The following RBFOX1 variants were observed in gnomAD, a reference collection of about 807,000 sequenced individuals.
The protein encoded by RBFOX1 is RNA binding fox-1 homolog 1.
In RBFOX1, 8 loss-of-function variants were observed where a neutral mutation model predicts 57.7. The ratio of observed to expected loss-of-function variants is 0.14; its 90% CI spans 0.08 to 0.25. The LOEUF is 0.25. RBFOX1 is among the 10% of genes least tolerant of loss of function. RBFOX1 has a pLI of 1.00. For missense variants in RBFOX1, 611 were observed against 548.5 expected (o/e 1.11, Z -1.14); for synonymous variants, 326 against 222.4 (o/e 1.47, Z -4.15).
At chr16:6,558,168 G>A (rs1336959630) in intron 2 of RBFOX1, among the ~76,000 whole-genome samples, 1 of 152,172 alleles carries the variant, frequency 6.6e-6, no homozygotes, top group African/African-American at 2.4e-5. Context: ...CCTGGGAGGA[G>A]TGCGATAGAG....
intron 4 of RBFOX1, among the ~76,000 whole-genome samples, chr16:7,125,831 C>A (rs542912315): frequency 6.6e-6 from 1 of 152,074 alleles, no homozygotes; most frequent in African/African-American, 2.4e-5. Context: ...ACCTGTAATC[C>A]CAGCACTTTG....
At chr16:5,692,088 G>A (rs1053687540) in intron 3 of RBFOX1, among the ~76,000 whole-genome samples, 3 of 151,818 alleles carry the variant, frequency 2.0e-5, no homozygotes, top group Admixed American at 6.6e-5. Flanking sequence ...TTGATTTGAA[G>A]GTTATGGATA....
intron 4 of RBFOX1, among the ~76,000 whole-genome samples, chr16:7,468,630 A>T (rs1188844748): frequency 6.6e-6 from 1 of 152,126 alleles, no homozygotes; most frequent in African/African-American, 2.4e-5. Flanking sequence ...AATCTGGGGA[A>T]CTTATGTGTT....
chr16:7,076,846 C>T (rs950917185), intron 4 of RBFOX1, among the ~76,000 whole-genome samples: 1 of 152,202 alleles, frequency 6.6e-6, no homozygotes, highest in Non-Finnish European at 1.5e-5. Flanking sequence ...GACACAGTTT[C>T]TTGTACAATT....
chr16:6,380,496 T>G (rs955990120), intron 2 of RBFOX1, among the ~76,000 whole-genome samples: 1 of 139,188 alleles, frequency 7.2e-6, no homozygotes, highest in Non-Finnish European at 1.5e-5. Context: ...GGACAACTTA[T>G]GGTCTAGAGA....
chr16:7,626,081 C>T (rs2060023593), intron 10 of RBFOX1, among the ~76,000 whole-genome samples: 1 of 152,190 alleles, frequency 6.6e-6, no homozygotes, highest in African/African-American at 2.4e-5. Flanking sequence ...GAGCTGAGTC[C>T]AGAAAGGAGT....
intron 2 of RBFOX1, among the ~76,000 whole-genome samples, chr16:6,481,274 C>A (rs904621878): frequency 2.6e-5 from 4 of 152,144 alleles, no homozygotes; most frequent in African/African-American, 9.7e-5. Context: ...TAAATGTGGG[C>A]CTTCATGTCC....
rs2084003125 is a variant in RBFOX1 at position 7,711,569 on chromosome 16, A to T, written c.*824A>T. On this transcript the variant is annotated 3_prime_UTR_variant, in exon 16 of 16. Coordinates refer to ENST00000550418, the MANE Select transcript of RBFOX1 (RefSeq NM_018723.4). ...ATGGGAGGGAAAAAATAACATTAAT[A>T]AAAAGGTGATAAAAAAGCACTGTTT... 6.6e-6 allele frequency: 1 copy of T among 152,618 alleles called. No individual in the cohort carries two copies. The highest frequency in any genetic ancestry group is 2.4e-5 in the African/African-American group (1 of 41,454). 9.5% of individuals were successfully genotyped at this position (152,618 alleles called of 1,614,324 possible). A position where few individuals can be genotyped will look rare whatever the true frequency, so the allele number is the denominator to read the frequency against.
chr16:6,725,783 T>C (rs2067045606), intron 3 of RBFOX1, among the ~76,000 whole-genome samples: 1 of 152,210 alleles, frequency 6.6e-6, no homozygotes, highest in African/African-American at 2.4e-5. Flanking sequence ...AATTCTATCA[T>C]TTTAAGCCAT....
rs5815406 is a variant in RBFOX1, at chr16:7,509,966, G to GTTT, written c.28-8169_28-8167dup. On this transcript the variant is annotated intron_variant, in intron 4 of 15. Coordinates refer to ENST00000550418, the MANE Select transcript of RBFOX1 (RefSeq NM_018723.4). ...AGCTATTAATGTGGTCGAGCAGTGG[G>GTTT]TTTTTTTTTTTTTTCCCTTCCTCCT... Among the ~76,000 whole-genome samples, 470 of 141,750 alleles carry GTTT rather than the reference G, an allele frequency of 3.3e-3. 5 individuals carry two copies. Among genetic ancestry groups the GTTT allele is most frequent in the African/African-American group, 0.012 (452 of 37,328 alleles). The allele number at this position is 141,750 out of a possible 152,430, so 93.0% of individuals were successfully genotyped here.
At chr16:5,428,222 G>A (rs1266734000) in intron 1 of RBFOX1, among the ~76,000 whole-genome samples, 1 of 152,080 alleles carries the variant, frequency 6.6e-6, no homozygotes, top group Non-Finnish European at 1.5e-5. Context: ...TGGCAGAAAT[G>A]TACCCCAGGC....
chr16:7,218,953 C>T (rs147955156), intron 4 of RBFOX1, among the ~76,000 whole-genome samples: 3 of 152,168 alleles, frequency 2.0e-5, no homozygotes, highest in African/African-American at 4.8e-5. Flanking sequence ...CTGTGCCTAG[C>T]AGAGCTGATA....
chr16:6,940,197 TAA>T (rs1224986565), intron 3 of RBFOX1, among the ~76,000 whole-genome samples: 3 of 113,438 alleles, frequency 2.6e-5, no homozygotes, highest in African/African-American at 5.4e-5. Flanking sequence ...ATCTCAAAAA[TAA>T]AAATAAATAA....
At chr16:6,045,358 G>A (rs377327970) in intron 1 of RBFOX1, among the ~76,000 whole-genome samples, 3 of 152,180 alleles carry the variant, frequency 2.0e-5, no homozygotes, top group Non-Finnish European at 4.4e-5. Flanking sequence ...ATGACTCCGA[G>A]AGTTGAGAGT....
intron 4 of RBFOX1, among the ~76,000 whole-genome samples, chr16:7,450,064 A>G (rs2098839582): frequency 6.6e-6 from 1 of 152,248 alleles, no homozygotes; most frequent in East Asian, 1.9e-4. Context: ...CTGTCATCAT[A>G]GAAAGAAAAG....
chr16:7,639,159 A>C (rs978240870), intron 11 of RBFOX1, among the ~76,000 whole-genome samples: 1 of 152,146 alleles, frequency 6.6e-6, no homozygotes, highest in African/African-American at 2.4e-5. Flanking sequence ...TCAGAGGCTT[A>C]ATTCTACTGA....
At chr16:6,251,576 C>T (rs2097612624) in intron 1 of RBFOX1, among the ~76,000 whole-genome samples, 1 of 151,916 alleles carries the variant, frequency 6.6e-6, no homozygotes, top group Non-Finnish European at 1.5e-5. Context: ...CTCCCCCTAC[C>T]CCTTGGAGGT....
chr16:7,698,304 A>G (rs2079479867), intron 14 of RBFOX1, among the ~76,000 whole-genome samples: 1 of 151,840 alleles, frequency 6.6e-6, no homozygotes. Flanking sequence ...TCCCTTAGCA[A>G]ATCTGGGGAC....
intron 3 of RBFOX1, among the ~76,000 whole-genome samples, chr16:5,618,223 G>C (rs2048098464): frequency 6.6e-6 from 1 of 152,156 alleles, no homozygotes; most frequent in Admixed American, 6.5e-5. Flanking sequence ...CATAGAGATG[G>C]AATCCTGACC....
Sources: gnomAD v4.1 joint callset for allele counts (sites outside exome capture counted in the v4.1 genomes callset) on GRCh38, gnomAD v4.1.1 for gene constraint, MANE v1.5 for transcripts, NCBI Gene and HGNC (gene_info 2026-07-23, HGNC 2026-07-21) for gene names.